MEGF10: variants seen among roughly 807,000 people sequenced by gnomAD.
MEGF10 encodes the protein multiple EGF like domains 10, also known as multiple epidermal growth factor-like domains protein 10.
Under a neutral mutation model 147.5 loss-of-function variants are expected in MEGF10, and 86 were observed. The observed-to-expected ratio is 0.58, with a 90% CI of 0.49 to 0.70. The LOEUF is 0.70. Ranked by LOEUF, MEGF10 falls within the 30% of genes least tolerant of loss-of-function variation. MEGF10 has a pLI of 0.00. For missense variants in MEGF10, 1,329 were observed against 1,487.3 expected (o/e 0.89, Z 1.75); for synonymous variants, 478 against 525.5 (o/e 0.91, Z 1.24).
chr5:127,316,609 C>T (rs1413679207), intron 1 of MEGF10, among the ~76,000 whole-genome samples: 1 of 152,110 alleles, frequency 6.6e-6, no homozygotes, highest in Non-Finnish European at 1.5e-5. Flanking sequence ...CCTTCCATTT[C>T]TGCCTTTTAA....
intron 4 of MEGF10, among the ~76,000 whole-genome samples, chr5:127,368,302 C>T (rs188345772): frequency 2.1e-4 from 32 of 152,306 alleles, no homozygotes; most frequent in Admixed American, 2.0e-3. Context: ...TACCAGAAAA[C>T]TCTACCCTGG....
the MEGF10 span, among the ~76,000 whole-genome samples, chr5:127,257,005 T>G: frequency 2.8e-3 from 432 of 152,234 alleles, 1 homozygote; most frequent in Middle Eastern, 0.037. Flanking sequence ...GTAAATGATT[T>G]GCAGGGGAAA....
chr5:127,379,064 CTTT>C (rs35798578), intron 5 of MEGF10, among the ~76,000 whole-genome samples: 13 of 121,462 alleles, frequency 1.1e-4, no homozygotes, highest in East Asian at 2.3e-4. Context: ...ATTGATTTTT[CTTT>C]TTTTTTTTTT....
intron 7 of MEGF10, 86 bp downstream of exon 7, chr5:127,398,882 G>A: frequency 1.9e-6 from 3 of 1,556,406 alleles, no homozygotes; most frequent in Non-Finnish European, 2.6e-6. Flanking sequence ...GGAGACTTTA[G>A]CACAAAGGAA....
chr5:127,248,179 C>T, the MEGF10 span, among the ~76,000 whole-genome samples: 1 of 151,946 alleles, frequency 6.6e-6, no homozygotes, highest in African/African-American at 2.4e-5. Context: ...TATAGCCTAG[C>T]CCAAACAAAG....
intron 5 of MEGF10, among the ~76,000 whole-genome samples, chr5:127,391,100 G>GCACACACA (rs1173924866): frequency 0.015 from 612 of 40,022 alleles, 6 homozygotes; most frequent in African/African-American, 0.029. Flanking sequence ...GCGCGCGCGC[G>GCACACACA]CGCACACACA....
the MEGF10 span, among the ~76,000 whole-genome samples, chr5:127,232,398 T>A: frequency 2.0e-5 from 3 of 152,180 alleles, no homozygotes; most frequent in African/African-American, 7.2e-5. Context: ...CAACAAAGGC[T>A]GAGAAGTTAC....
intron 13 of MEGF10, among the ~76,000 whole-genome samples, chr5:127,426,579 A>ACTCT (rs141529792): frequency 1.3e-5 from 2 of 148,998 alleles, no homozygotes; most frequent in Non-Finnish European, 1.5e-5. Context: ...ACACACACAC[A>ACTCT]CTCTCTCTCT....
chr5:127,250,176 C>T, the MEGF10 span, among the ~76,000 whole-genome samples: 1 of 152,012 alleles, frequency 6.6e-6, no homozygotes, highest in African/African-American at 2.4e-5. Context: ...GCAAAATAGA[C>T]TTCAAGATGA....
chr5:127,391,102 GCACACACACACA>G lies in MEGF10; in HGVS notation c.413-5389_413-5378del, dbSNP rs70997334. ...CATACACACATGCGCGCGCGCGCGC[GCACACACACACA>G]CACACACACACACACACACACACAC... On this transcript the variant is annotated intron_variant, in intron 5 of 24. Coordinates refer to ENST00000503335, the MANE Select transcript of MEGF10 (RefSeq NM_001256545.2). Among the ~76,000 whole-genome samples the G allele has an allele frequency of 1.4e-3, 78 of 53,934 alleles. 1 individual carries two copies. Among genetic ancestry groups the G allele is most frequent in the South Asian group, 8.8e-3 (15 of 1,698 alleles). The allele number at this position is 53,934 out of a possible 152,430, so 35.4% of individuals were successfully genotyped here. A position where few individuals can be genotyped will look rare whatever the true frequency, so the allele number is the denominator to read the frequency against.
the MEGF10 span, among the ~76,000 whole-genome samples, chr5:127,259,840 G>A: frequency 2.0e-5 from 3 of 152,116 alleles, no homozygotes; most frequent in Non-Finnish European, 4.4e-5. Context: ...CTACCTAAGT[G>A]AAACTAGCTT....
At chr5:127,251,667 C>CCATA in the MEGF10 span, among the ~76,000 whole-genome samples, 23 of 151,994 alleles carry the variant, frequency 1.5e-4, no homozygotes, top group African/African-American at 5.5e-4. Context: ...ATGCCTTAAA[C>CCATA]CATACCCAAA....
the MEGF10 span, among the ~76,000 whole-genome samples, chr5:127,269,160 A>T: frequency 6.6e-6 from 1 of 152,250 alleles, no homozygotes; most frequent in South Asian, 2.1e-4. Context: ...GAAATGCTGA[A>T]AATTCTAAAA....
chr5:127,340,423 A>T, intron 3 of MEGF10, 107 bp from the exon 4 acceptor site: 4 of 734,414 alleles, frequency 5.4e-6, no homozygotes, highest in Non-Finnish European at 9.0e-6. Context: ...ATGAGTTAGT[A>T]TTATATTGGT....
intron 4 of MEGF10, among the ~76,000 whole-genome samples, chr5:127,367,926 T>C (rs76946570): frequency 0.034 from 5,235 of 152,266 alleles, 112 homozygotes; most frequent in Admixed American, 0.075. Context: ...CAGTGTGAGA[T>C]AGCATCCAGA....
Position 127,410,389 on chromosome 5 carries a change from G to A in MEGF10, c.918G>A (p.Arg306=), listed in dbSNP as rs200870082. ...CHCSPGYTGE[R]CQDECPVGTY... ...CTTGCTCCTGCCTCTTGCTTGGTAGGTGCCAGGATGAGTGTCCTGTTGGGA... is the reference window on the plus strand; with the variant it reads ...CTTGCTCCTGCCTCTTGCTTGGTAGATGCCAGGATGAGTGTCCTGTTGGGA... The change falls in exon 9 of 25, where the codon CGG becomes CGA. Residue 306 remains arginine, a splice_region_variant and synonymous_variant. Transcript: ENST00000503335. 4.3e-6 allele frequency: 7 copies of A among 1,614,020 alleles called. No individual in the cohort carries two copies. In the Admixed American group the frequency reaches 8.3e-5, roughly 19 times the overall value.
intron 2 of MEGF10, among the ~76,000 whole-genome samples, chr5:127,338,795 C>T (rs1452899534): frequency 6.6e-6 from 1 of 151,948 alleles, no homozygotes; most frequent in Non-Finnish European, 1.5e-5. Context: ...GCTTTGAGCC[C>T]TGGGGTAAGA....
Position 127,398,788 on chromosome 5 carries a change from G to A in MEGF10, c.772G>A (p.Gly258Ser). ...HVTGECSCPS[G>S]WMGTVCGQPC... is the part of the protein sequence containing the mutation. ...CACTGGAGAATGCTCTTGCCCTTCT[G>A]GCTGGATGGTAAGCTTCCTTCCCAC... The change falls in exon 7 of 25, where the codon GGC (glycine) becomes AGC (serine). Residue 258 changes from glycine (G) to serine (S), a missense_variant. Transcript: ENST00000503335. The A allele has an allele frequency of 6.2e-7, 1 of 1,613,660 alleles. No individual in the cohort carries two copies. The highest frequency in any genetic ancestry group is 8.5e-7 in the Non-Finnish European group (1 of 1,179,848).
At chr5:127,311,309 T>C (rs1012431231) in intron 1 of MEGF10, among the ~76,000 whole-genome samples, 19 of 152,228 alleles carry the variant, frequency 1.2e-4, no homozygotes, top group Admixed American at 3.9e-4. Flanking sequence ...CAATCTCATC[T>C]TGAAGAGCAA....
Sources: allele counts gnomAD v4.1 joint callset (sites outside exome capture counted in the v4.1 genomes callset), GRCh38; gene constraint gnomAD v4.1.1; transcripts MANE v1.5; gene names NCBI Gene and HGNC (gene_info 2026-07-23, HGNC 2026-07-21).